HCRTR2: variants seen among roughly 807,000 people sequenced by gnomAD.
The protein encoded by HCRTR2 is orexin receptor type 2.
A neutral mutation model predicts 49.0 loss-of-function variants in HCRTR2; 22 were observed. The observed-to-expected ratio is 0.45, with a 90% CI of 0.32 to 0.64. HCRTR2 has a LOEUF of 0.64. Among genes scored for constraint, HCRTR2 ranks in the 30% least tolerant of loss-of-function variants. The pLI, the probability that HCRTR2 is intolerant of heterozygous loss-of-function variation, is 0.04. For synonymous variants in HCRTR2, 236 were observed against 205.3 expected (o/e 1.15, Z -1.28); for missense variants, 491 against 559.4 (o/e 0.88, Z 1.23).
chr6:55,196,975 C>T (rs775834458), intron 1 of HCRTR2, among the ~76,000 whole-genome samples: 1 of 152,258 alleles, frequency 6.6e-6, no homozygotes, highest in Non-Finnish European at 1.5e-5. Context: ...AACACTAACA[C>T]TAAACCCAAT....
At chr6:55,198,505 C>T (rs1474579231) in intron 1 of HCRTR2, among the ~76,000 whole-genome samples, 3 of 152,154 alleles carry the variant, frequency 2.0e-5, no homozygotes, top group Non-Finnish European at 4.4e-5. Flanking sequence ...TACCTCTAAT[C>T]CAAACACTAA....
intron 1 of HCRTR2, among the ~76,000 whole-genome samples, chr6:55,203,924 G>A (rs567208821): frequency 9.9e-5 from 15 of 152,004 alleles, no homozygotes; most frequent in Admixed American, 3.3e-4. Context: ...AAGGGTTTGC[G>A]TAGAGAAATA....
At chr6:55,120,870 T>TACTGTAGC (rs1764188663) in intron 1 of HCRTR2, among the ~76,000 whole-genome samples, 1 of 151,974 alleles carries the variant, frequency 6.6e-6, no homozygotes, top group Non-Finnish European at 1.5e-5. Flanking sequence ...CTGTTTTGCT[T>TACTGTAGC]ACTGTAGCCT....
rs372054781 is a variant in HCRTR2 at position 55,236,730 on chromosome 6, G to A, written c.224-11909G>A. Reference sequence around the variant, plus strand: ...TTCCTGCTTTAAGATTTTTCCTTTCGTCACTGGTTTTTCAGCAGTTTTATG... The same window carrying A: ...TTCCTGCTTTAAGATTTTTCCTTTCATCACTGGTTTTTCAGCAGTTTTATG... On this transcript the variant is annotated intron_variant, in intron 1 of 6. Transcript: ENST00000370862. 4.6e-4 allele frequency among the ~76,000 whole-genome samples: 70 copies of A among 152,004 alleles called. 1 individual carries two copies. The highest frequency in any genetic ancestry group is 1.5e-3 in the African/African-American group (62 of 41,466).
At chr6:55,175,653 G>A (rs1278950889) in intron 1 of HCRTR2, among the ~76,000 whole-genome samples, 1 of 152,050 alleles carries the variant, frequency 6.6e-6, no homozygotes, top group Non-Finnish European at 1.5e-5. Flanking sequence ...AGGTCTGTAT[G>A]CAAACACGGG....
intron 3 of HCRTR2, among the ~76,000 whole-genome samples, chr6:55,256,625 A>G (rs2127318240): frequency 6.6e-6 from 1 of 152,178 alleles, no homozygotes; most frequent in East Asian, 1.9e-4. Context: ...TTAACATTCC[A>G]ACTTTTTTTT....
rs200749759 is a variant in HCRTR2, at chr6:55,113,635, T to TA, written c.-378+7100dup. On this transcript the variant is annotated intron_variant, in intron 1 of 7. Coordinates refer to the HCRTR2 transcript ENST00000615358. ...ATCCATTTTAACCATAATTAAAAAATAAAAAAAAAATAGATGTTGGTGTGG... is the reference window on the plus strand; with the variant it reads ...ATCCATTTTAACCATAATTAAAAAATAAAAAAAAAAATAGATGTTGGTGTGG... Among the ~76,000 whole-genome samples, 924 of 147,958 alleles carry TA rather than the reference T, an allele frequency of 6.2e-3. 3 individuals are homozygous for TA. Among genetic ancestry groups the TA allele is most frequent in the South Asian group, 0.01 (49 of 4,668 alleles).
At chr6:55,170,568 T>A (rs1393702782), upstream of HCRTR2, among the ~76,000 whole-genome samples, 1 of 150,916 alleles carries the variant, frequency 6.6e-6, no homozygotes, top group African/African-American at 2.5e-5. Context: ...ATATCACATG[T>A]TTACTTATTT....
At chr6:55,119,364 TC>T (rs1481354154) in intron 1 of HCRTR2, among the ~76,000 whole-genome samples, 1 of 152,138 alleles carries the variant, frequency 6.6e-6, no homozygotes, top group Non-Finnish European at 1.5e-5. Context: ...CACACTGTCT[TC>T]CACAATGCTT....
chr6:55,111,905 G>A (rs2127610890), intron 1 of HCRTR2, among the ~76,000 whole-genome samples: 1 of 152,078 alleles, frequency 6.6e-6, no homozygotes, highest in Non-Finnish European at 1.5e-5. Flanking sequence ...TGCAATTCTA[G>A]CTAACTGAAT....
chr6:55,121,627 T>A (rs985060745), intron 1 of HCRTR2, among the ~76,000 whole-genome samples: 1 of 152,198 alleles, frequency 6.6e-6, no homozygotes, highest in Non-Finnish European at 1.5e-5. Flanking sequence ...TATTTTGAGA[T>A]ATGTCCCATC....
rs141122372 is a variant in HCRTR2, at chr6:55,190,208, G to A, written c.223+15398G>A. 8.5e-5 allele frequency among the ~76,000 whole-genome samples: 13 copies of A among 152,308 alleles called. No individual in the cohort carries two copies. In the East Asian group the frequency reaches 2.5e-3, roughly 29 times the overall value. On this transcript the variant is annotated intron_variant, in intron 1 of 6. Coordinates refer to ENST00000370862, the MANE Select transcript of HCRTR2 (RefSeq NM_001384272.1). ...AAATATTTATTGTGTGCCTATTGCA[G>A]CAAACAAAACAGACGAAGCTCCTTC...
chr6:55,239,713 TGAG>T (rs946425812), intron 1 of HCRTR2, among the ~76,000 whole-genome samples: 1 of 152,038 alleles, frequency 6.6e-6, no homozygotes, highest in Non-Finnish European at 1.5e-5. Flanking sequence ...TTTCTTTTCT[TGAG>T]GAAATAAAAC....
intron 1 of HCRTR2, among the ~76,000 whole-genome samples, chr6:55,214,289 C>A (rs1765748295): frequency 6.6e-6 from 1 of 152,120 alleles, no homozygotes; most frequent in South Asian, 2.1e-4. Flanking sequence ...TTCTCTGTAT[C>A]AAGCTAGTCC....
intron 1 of HCRTR2, among the ~76,000 whole-genome samples, chr6:55,228,486 A>T (rs1227365904): frequency 2.0e-5 from 3 of 152,206 alleles, no homozygotes; most frequent in Non-Finnish European, 4.4e-5. Context: ...GTGATTCTTG[A>T]GAAGTCAATG....
intron 1 of HCRTR2, among the ~76,000 whole-genome samples, chr6:55,203,560 G>GA (rs973741197): frequency 2.0e-5 from 3 of 152,094 alleles, no homozygotes; most frequent in African/African-American, 7.2e-5. Flanking sequence ...AAGTGCTATG[G>GA]AAAAAAGTAA....
chr6:55,222,151 G>A (rs1218158102), intron 1 of HCRTR2, among the ~76,000 whole-genome samples: 4 of 152,068 alleles, frequency 2.6e-5, no homozygotes, highest in Non-Finnish European at 5.9e-5. Context: ...CAATGGACCT[G>A]ATGGATATCT....
At chr6:55,247,616 G>A (rs756984386) in intron 1 of HCRTR2, among the ~76,000 whole-genome samples, 24 of 152,058 alleles carry the variant, frequency 1.6e-4, no homozygotes, top group African/African-American at 3.1e-4. Context: ...TGATGGCAGC[G>A]TGTACACCTA....
chr6:55,187,117 G>A (rs1191217260), intron 1 of HCRTR2, among the ~76,000 whole-genome samples: 1 of 151,756 alleles, frequency 6.6e-6, no homozygotes, highest in Admixed American at 6.6e-5. Flanking sequence ...AGAGAAAGAA[G>A]ACATTGGGGC....
Sources: gnomAD v4.1 joint callset for allele counts (sites outside exome capture counted in the v4.1 genomes callset) on GRCh38, gnomAD v4.1.1 for gene constraint, MANE v1.5 for transcripts, NCBI Gene and HGNC (gene_info 2026-07-23, HGNC 2026-07-21) for gene names.